The following JMJD1C variants were observed in gnomAD, a reference collection of about 807,000 sequenced individuals.
The protein encoded by JMJD1C is jumonji domain-containing protein 1C.
In JMJD1C, 31 loss-of-function variants were observed where a neutral mutation model predicts 245.3. The ratio of observed to expected loss-of-function variants is 0.13; its 90% CI spans 0.09 to 0.17. The LOEUF (loss-of-function observed/expected upper bound fraction) is 0.17. Ranked by LOEUF, JMJD1C falls within the 10% of genes least tolerant of loss-of-function variation. The probability of loss-of-function intolerance (pLI) is 1.00; values close to 1 mark genes in which losing one functional copy is unlikely to be tolerated. For synonymous variants in JMJD1C, 1,057 were observed against 1,017.4 expected (o/e 1.04, Z -0.74); for missense variants, 2,691 against 3,000.2 (o/e 0.90, Z 2.41).
At chr10:63,196,654 T>C (rs77067794) in intron 13 of JMJD1C, among the ~76,000 whole-genome samples, 1,667 of 152,332 alleles carry the variant, frequency 0.011, 14 homozygotes, top group Middle Eastern at 0.02. Context: ...ACAGACAATC[T>C]ATACTAAGTA....
At chr10:63,310,360 G>T (rs1939001856) in intron 2 of JMJD1C, among the ~76,000 whole-genome samples, 1 of 152,196 alleles carries the variant, frequency 6.6e-6, no homozygotes, top group Non-Finnish European at 1.5e-5. Context: ...GGGAACGCTT[G>T]CCTTGCCAGA....
chr10:63,235,252 T>C (rs1850590020), intron 3 of JMJD1C, among the ~76,000 whole-genome samples: 1 of 152,064 alleles, frequency 6.6e-6, no homozygotes, highest in Non-Finnish European at 1.5e-5. Flanking sequence ...TCCCAGCACT[T>C]TGGAAGGCTG....
At chr10:63,210,962 T>C (rs1847249636) in intron 8 of JMJD1C, among the ~76,000 whole-genome samples, 1 of 152,206 alleles carries the variant, frequency 6.6e-6, no homozygotes, top group African/African-American at 2.4e-5. Context: ...AACTGAGATC[T>C]TGTCAACCTC....
upstream of JMJD1C, chr10:63,465,996 G>A (rs753661505): frequency 1.4e-5 from 4 of 288,116 alleles, no homozygotes; most frequent in South Asian, 5.2e-5. Flanking sequence ...TCCCTCCCCG[G>A]GCAGCGGCGG....
intron 1 of JMJD1C, among the ~76,000 whole-genome samples, chr10:63,431,752 G>A (rs1464756482): frequency 5.9e-5 from 9 of 152,216 alleles, no homozygotes; most frequent in African/African-American, 7.2e-5. Flanking sequence ...AGTGGCGCAC[G>A]CCTGTAATCC....
rs1297830878 is a variant in JMJD1C, at chr10:63,357,602, G to A, written c.333+22716C>T. ...ATTACAGGTATGAGCCACCAAGCCCGGCATAAATGTGCTTTAAAAGAGTAT... is the reference window on the plus strand; with the variant it reads ...ATTACAGGTATGAGCCACCAAGCCCAGCATAAATGTGCTTTAAAAGAGTAT... On this transcript the variant is annotated intron_variant, in intron 2 of 25. Transcript: ENST00000399262. Among the ~76,000 whole-genome samples, 4 of 152,000 alleles carry A rather than the reference G, an allele frequency of 2.6e-5. No homozygotes were observed. The East Asian group carries it at 5.8e-4, about 22-fold the overall frequency.
intron 13 of JMJD1C, among the ~76,000 whole-genome samples, chr10:63,197,137 C>T (rs540834362): frequency 6.6e-6 from 1 of 152,042 alleles, no homozygotes; most frequent in East Asian, 1.9e-4. Context: ...AGCAACAAGG[C>T]CTAACCTAAA....
At position 63,189,308 on chromosome 10, in the gene JMJD1C, T is replaced by C. The variant is rs1461193809; in HGVS notation, c.6430A>G (p.Ile2144Val). Reference protein sequence around the residue: ...ELKEEPEESIISAVDENNKLY... With the variant: ...ELKEEPEESIVSAVDENNKLY... Reference sequence around the variant, plus strand: ...TTATTATTTTCATCCACTGCAGATATTATGCTTTCTTCAGGCTCTTCTTTA... The same window carrying C: ...TTATTATTTTCATCCACTGCAGATACTATGCTTTCTTCAGGCTCTTCTTTA... Residue 2144 changes from isoleucine (I) to valine (V), a missense_variant, in exon 18 of 26, where the codon ATA (isoleucine) becomes GTA (valine). Ile to Val is a conservative substitution (Grantham distance 29). Around this residue, in one of 9 missense-constraint regions of JMJD1C, gnomAD observed 275 missense variants for 285.5 expected, o/e 0.96. Coordinates refer to ENST00000399262, the MANE Select transcript of JMJD1C (RefSeq NM_032776.3). The C allele has an allele frequency of 2.5e-6, 4 of 1,613,758 alleles. No individual in the cohort carries two copies. Among genetic ancestry groups the C allele is most frequent in the Admixed American group, 1.7e-5 (1 of 60,000 alleles).
In JMJD1C at chr10:63,186,259, T is replaced by C. The variant is rs765326186; in HGVS notation, c.6695A>G (p.Asn2232Ser). The change falls in exon 19 of 26, where the codon AAT becomes AGT. Residue 2232 changes from asparagine to serine, a missense_variant. Transcript: ENST00000399262. ...ATCCCAGAATTCCTTAACATTGGCA[T>C]TTGAAATGATGCTATCTTTGCAGTT... ...LLNCKDSIIS[N>S]ANVKEFWDGF... The C allele has an allele frequency of 3.1e-6, 5 of 1,612,118 alleles. No individual in the cohort carries two copies. The East Asian group carries it at 1.1e-4, about 36-fold the overall frequency.
intron 2 of JMJD1C, among the ~76,000 whole-genome samples, chr10:63,315,338 A>C (rs1939838434): frequency 6.6e-6 from 1 of 152,040 alleles, no homozygotes; most frequent in South Asian, 2.1e-4. Flanking sequence ...CCAGATATTT[A>C]GCTCTTACTT....
intron 1 of JMJD1C, 189 bp downstream of exon 1, chr10:63,465,306 G>A (rs796331572): frequency 3.1e-6 from 2 of 645,038 alleles, no homozygotes; most frequent in South Asian, 2.0e-5. Context: ...CACCTCCACA[G>A]GGGAAGCCGC....
At chr10:63,509,306 C>T (rs991442958) in intron 1 of JMJD1C, among the ~76,000 whole-genome samples, 5 of 152,174 alleles carry the variant, frequency 3.3e-5, no homozygotes, top group Non-Finnish European at 7.4e-5. Flanking sequence ...ATTTTTCATA[C>T]ATTTTTGGAT....
chr10:63,418,332 T>A (rs1949915817), intron 1 of JMJD1C, among the ~76,000 whole-genome samples: 1 of 152,196 alleles, frequency 6.6e-6, no homozygotes. Context: ...CCTGACAAAA[T>A]ATCTCATCTA....
intron 1 of JMJD1C, among the ~76,000 whole-genome samples, chr10:63,456,225 G>C (rs1195815942): frequency 6.6e-6 from 1 of 151,948 alleles, no homozygotes; most frequent in Non-Finnish European, 1.5e-5. Context: ...AAATGTTCTA[G>C]CGAACAGTGG....
chr10:63,465,424 G>C, intron 1 of JMJD1C, 71 bp downstream of exon 1: 3 of 1,422,202 alleles, frequency 2.1e-6, no homozygotes, highest in Non-Finnish European at 2.8e-6. Flanking sequence ...CCAGAGGGAA[G>C]CCTGCAAGGT....
chr10:63,216,454 T>C (rs1409274737), intron 5 of JMJD1C, among the ~76,000 whole-genome samples: 1 of 152,072 alleles, frequency 6.6e-6, no homozygotes, highest in East Asian at 1.9e-4. Context: ...CTCACGTCTG[T>C]AATCCCAGCA....
intron 13 of JMJD1C, among the ~76,000 whole-genome samples, chr10:63,196,156 G>C (rs946257678): frequency 1.0e-4 from 15 of 149,300 alleles, no homozygotes; most frequent in African/African-American, 3.7e-4. Context: ...CTACTCGGGA[G>C]GCTGAGGCAG....
At chr10:63,378,457 TG>T (rs1221774876) in intron 2 of JMJD1C, among the ~76,000 whole-genome samples, 4 of 152,040 alleles carry the variant, frequency 2.6e-5, no homozygotes, top group Admixed American at 2.6e-4. Context: ...CCGGGCGTGG[TG>T]GCAGGCGCCT....
At chr10:63,200,029 T>G (rs1845851359) in intron 11 of JMJD1C, among the ~76,000 whole-genome samples, 2 of 152,276 alleles carry the variant, frequency 1.3e-5, no homozygotes, top group South Asian at 4.1e-4. Context: ...GAGACAGAGA[T>G]GGAATTCACA....
Sources: allele counts gnomAD v4.1 joint callset (sites outside exome capture counted in the v4.1 genomes callset), GRCh38; gene constraint gnomAD v4.1.1; regional missense constraint gnomAD v4.1.1; transcripts MANE v1.5; gene names NCBI Gene and HGNC (gene_info 2026-07-23, HGNC 2026-07-21).